Variants in PGM5 observed in about 807,000 individuals in gnomAD.
The protein encoded by PGM5 is phosphoglucomutase-like protein 5.
PGM5 carries 23 observed loss-of-function variants against 59.2 expected under a neutral mutation model. The ratio of observed to expected loss-of-function variants is 0.39; its 90% CI spans 0.28 to 0.55. The LOEUF (loss-of-function observed/expected upper bound fraction) is 0.55. Ranked by LOEUF, PGM5 falls within the 20% of genes least tolerant of loss-of-function variation. The probability of loss-of-function intolerance (pLI) is 0.66; values close to 1 mark genes in which losing one functional copy is unlikely to be tolerated. For missense variants in PGM5, 574 were observed against 748.3 expected, an observed-to-expected ratio of 0.77 and a Z score of 2.72; for synonymous variants, 214 against 286.0, an observed-to-expected ratio of 0.75 and a Z score of 2.54.
chr9:68,410,059 C>T (rs1369146111), intron 6 of PGM5, among the ~76,000 whole-genome samples: 1 of 152,284 alleles, frequency 6.6e-6, no homozygotes, highest in Admixed American at 6.5e-5. Flanking sequence ...GCTCTGCCTC[C>T]CTAGTAGGAT....
chr9:68,386,208 G>T (rs538046630), intron 3 of PGM5, among the ~76,000 whole-genome samples: 2 of 151,744 alleles, frequency 1.3e-5, no homozygotes, highest in African/African-American at 4.8e-5. Context: ...AAGTACTCAG[G>T]GCATAACCTT....
chr9:68,499,232 A>G lies in PGM5; in HGVS notation c.1485A>G (p.Leu495=). Residue 495 remains leucine, a synonymous_variant, in exon 10 of 11, where the codon CTA becomes CTG. Transcript: ENST00000396396. ...CTGGATGTTCTTGGTCTCAGGGCCT[A>G]AGGATCATTTTCTCGGATGCATCAC... ...VDGTVTKKQG[L]RIIFSDASRL... is the part of the protein sequence containing the mutation. 1 of 1,614,152 alleles carries G rather than the reference A, an allele frequency of 6.2e-7. No individual in the cohort carries two copies. Among genetic ancestry groups the G allele is most frequent in the Non-Finnish European group, 8.5e-7 (1 of 1,180,014 alleles).
intron 1 of PGM5, among the ~76,000 whole-genome samples, chr9:68,366,914 G>A (rs1337554667): frequency 2.0e-5 from 3 of 152,218 alleles, no homozygotes; most frequent in African/African-American, 7.2e-5. Context: ...GAGATCATGT[G>A]TGTTTTTGTC....
At position 68,437,947 on chromosome 9, in the gene PGM5, C is replaced by A. The variant is rs186517671; in HGVS notation, c.1044-27146C>A. Among the ~76,000 whole-genome samples the A allele has an allele frequency of 4.9e-4, 75 of 152,248 alleles. No homozygotes were observed. The highest frequency in any genetic ancestry group is 1.8e-3 in the African/African-American group (73 of 41,530). The stretch of plus-strand genomic sequence containing the variant: ...ACATATCCAGCTGGCTGCTTTACCA[C>A]ACATCACGTGCTTGGCTCATGGAGA... On this transcript the variant is annotated intron_variant, in intron 6 of 10. Coordinates refer to ENST00000396396, the MANE Select transcript of PGM5 (RefSeq NM_021965.4). The surrounding 1 kb of genome is among the most constrained non-coding windows in gnomAD (Gnocchi z 4.1).
intron 2 of PGM5, among the ~76,000 whole-genome samples, chr9:68,379,684 A>C (rs1376402579): frequency 3.9e-5 from 6 of 152,134 alleles, no homozygotes; most frequent in Non-Finnish European, 8.8e-5. Flanking sequence ...ACAAGATCCA[A>C]CTAGATGCTG....
intron 10 of PGM5, among the ~76,000 whole-genome samples, chr9:68,511,171 T>C (rs1304406036): frequency 2.0e-5 from 3 of 152,192 alleles, no homozygotes; most frequent in Admixed American, 2.0e-4. Context: ...CCATTCCAAA[T>C]TACGTCAAAG....
At chr9:68,436,136 C>T (rs1823437651) in intron 6 of PGM5, among the ~76,000 whole-genome samples, 1 of 152,176 alleles carries the variant, frequency 6.6e-6, no homozygotes, top group South Asian at 2.1e-4. Flanking sequence ...TTAGCTCCCA[C>T]AGCAAGACTT....
intron 6 of PGM5, among the ~76,000 whole-genome samples, chr9:68,459,859 A>G (rs1823831350): frequency 6.6e-6 from 1 of 152,058 alleles, no homozygotes; most frequent in African/African-American, 2.4e-5. Context: ...TTTTAAGGTT[A>G]TCTGCCTTTA....
intron 10 of PGM5, among the ~76,000 whole-genome samples, chr9:68,517,373 G>C (rs960045613): frequency 2.0e-5 from 3 of 152,092 alleles, no homozygotes; most frequent in Non-Finnish European, 4.4e-5. Flanking sequence ...CTCTATTTCA[G>C]AAAAAGAGAA....
At chr9:68,467,512 A>G (rs1337147857) in intron 7 of PGM5, among the ~76,000 whole-genome samples, 2 of 152,174 alleles carry the variant, frequency 1.3e-5, no homozygotes, top group Non-Finnish European at 1.5e-5. Context: ...TGATTTGCAT[A>G]TCCTAAAGAG....
chr9:68,520,318 G>T lies in PGM5; in HGVS notation c.1615-9249G>T, dbSNP rs1824883702. Among the ~76,000 whole-genome samples the T allele has an allele frequency of 2.6e-5, 4 of 151,478 alleles. No homozygotes were observed. In the South Asian group the frequency reaches 8.3e-4, roughly 32 times the overall value. ...TTAAATCCCCCAGGAAGACACAGTA[G>T]TTTTAAATTTATAAAGAAAAAAAAA... On this transcript the variant is annotated intron_variant, in intron 10 of 10. Transcript: ENST00000396396.
chr9:68,519,198 A>G (rs1212476734), intron 10 of PGM5, among the ~76,000 whole-genome samples: 1 of 152,220 alleles, frequency 6.6e-6, no homozygotes, highest in Non-Finnish European at 1.5e-5. Context: ...TTCTTCAGGA[A>G]GAAGGAAAAT....
chr9:68,366,918 T>G (rs751748663), intron 1 of PGM5, among the ~76,000 whole-genome samples: 6 of 152,222 alleles, frequency 3.9e-5, no homozygotes, highest in Non-Finnish European at 8.8e-5. Context: ...TCATGTGTGT[T>G]TTTGTCCCAG....
chr9:68,462,031 C>A (rs1017550559), intron 6 of PGM5, among the ~76,000 whole-genome samples: 28 of 152,092 alleles, frequency 1.8e-4, no homozygotes, highest in African/African-American at 5.8e-4. Context: ...TGTTGGAAAG[C>A]TAGGTTGATG....
At chr9:68,503,689 C>T (rs1156985696) in intron 10 of PGM5, among the ~76,000 whole-genome samples, 4 of 152,156 alleles carry the variant, frequency 2.6e-5, no homozygotes, top group Admixed American at 1.3e-4. Flanking sequence ...AGCAATGAAA[C>T]CTGGAAGGAA....
chr9:68,491,744 G>A (rs1554687886), intron 9 of PGM5, among the ~76,000 whole-genome samples: 1 of 152,204 alleles, frequency 6.6e-6, no homozygotes, highest in Non-Finnish European at 1.5e-5. Flanking sequence ...GCTTATGCCT[G>A]TAGTCCCAGC....
intron 10 of PGM5, among the ~76,000 whole-genome samples, chr9:68,501,143 C>G (rs782255247): frequency 1.3e-5 from 2 of 152,128 alleles, no homozygotes; most frequent in Non-Finnish European, 2.9e-5. Flanking sequence ...CCTTCACTGA[C>G]GTTGCTGTTG....
chr9:68,464,968 A>G, intron 6 of PGM5, 125 bp from the exon 7 acceptor site: 1 of 573,698 alleles, frequency 1.7e-6, no homozygotes, highest in Middle Eastern at 3.3e-4. Flanking sequence ...ATCTGTCAAC[A>G]CTACCCAGGT....
In PGM5 at chr9:68,357,226, C is replaced by T. The variant is rs782785842; in HGVS notation, c.99C>T (p.Leu33=). 3.6e-5 allele frequency: 55 copies of T among 1,541,628 alleles called. 2 individuals carry two copies. Among genetic ancestry groups the T allele is most frequent in the Middle Eastern group, 4.6e-4 (2 of 4,378 alleles). ...GGGGTCTGCGGCGACCCACCGGCCT[C>T]TTCGAGGGCCAGCGCAACTACCTGC... The part of the protein sequence containing the change: ...GGGGLRRPTG[L]FEGQRNYLPN... The change falls in exon 1 of 11, where the codon CTC becomes CTT. Residue 33 remains leucine (L), a synonymous_variant. Transcript: ENST00000396396.
Sources: gnomAD v4.1 joint callset for allele counts (sites outside exome capture counted in the v4.1 genomes callset) on GRCh38, gnomAD v4.1.1 for gene constraint, Gnocchi (gnomAD v3.1) non-coding constraint, MANE v1.5 for transcripts, NCBI Gene and HGNC (gene_info 2026-07-23, HGNC 2026-07-21) for gene names.